The following PTPRZ1 variants were observed in gnomAD, a reference collection of about 807,000 sequenced individuals.
PTPRZ1 encodes receptor-type tyrosine-protein phosphatase zeta.
Under a neutral mutation model 214.1 loss-of-function variants are expected in PTPRZ1, and 82 were observed. The observed-to-expected ratio is 0.38, with a 90% CI of 0.32 to 0.46. The LOEUF (loss-of-function observed/expected upper bound fraction) is 0.46. PTPRZ1 is among the 20% of genes least tolerant of loss of function. The pLI is 1.00. For synonymous variants in PTPRZ1, 945 were observed against 987.9 expected (o/e 0.96, Z 0.81); for missense variants, 2,603 against 2,748.7 (o/e 0.95, Z 1.19).
chr7:121,902,667 A>G (rs1795001096), intron 1 of PTPRZ1, among the ~76,000 whole-genome samples: 1 of 152,058 alleles, frequency 6.6e-6, no homozygotes, highest in Non-Finnish European at 1.5e-5. Context: ...TCTTCTTTTG[A>G]GAAATATCTA....
chr7:121,883,660 CT>C (rs1414745505), intron 1 of PTPRZ1, among the ~76,000 whole-genome samples: 1 of 152,168 alleles, frequency 6.6e-6, no homozygotes. Flanking sequence ...GAGTTTCACT[CT>C]TGTTGCCCAG....
intron 18 of PTPRZ1, 48 bp from the exon 19 acceptor site, chr7:122,038,707 T>A (rs765884210): frequency 6.3e-7 from 1 of 1,581,456 alleles, no homozygotes; most frequent in South Asian, 1.1e-5. Context: ...CAGTTAAAGA[T>A]GACATATAAA....
In PTPRZ1 at chr7:122,051,885, C is replaced by T. The variant is rs1269494458; in HGVS notation, c.6198C>T (p.Gly2066=). ...TTCCAGTGGAAAGATCAAGGGTTGG[C>T]ATTTCATCCCTGAGTGGAGAAGGCA... ...SIIPVERSRV[G]ISSLSGEGTD... The change falls in exon 25 of 30, where the codon GGC becomes GGT. Residue 2066 remains glycine, a synonymous_variant. Transcript: ENST00000393386. The T allele has an allele frequency of 2.5e-6, 4 of 1,612,196 alleles. No individual in the cohort carries two copies. The highest frequency in any genetic ancestry group is 4.5e-5 in the East Asian group (2 of 44,828).
chr7:122,012,905 T>C lies in PTPRZ1; in HGVS notation c.3859T>C (p.Tyr1287His). 1.2e-6 allele frequency: 2 copies of C among 1,614,184 alleles called. No homozygotes were observed. The highest frequency in any genetic ancestry group is 1.7e-6 in the Non-Finnish European group (2 of 1,180,008). Reference protein sequence around the residue: ...ESSHQVVPSLYSNDELFQTAN... With the variant: ...ESSHQVVPSLHSNDELFQTAN... ...TTCCCACCAAGTGGTACCTTCTTTG[T>C]ACAGTAATGATGAGTTGTTCCAAAC... is the stretch of plus-strand genomic sequence containing the variant. Residue 1287 changes from tyrosine (Y) to histidine (H), a missense_variant, in exon 12 of 30, where the codon TAC becomes CAC. Tyr to His is a moderately conservative substitution (Grantham distance 83). Coordinates refer to ENST00000393386, the MANE Select transcript of PTPRZ1 (RefSeq NM_002851.3).
chr7:121,956,644 T>C (rs1422765537), intron 2 of PTPRZ1, among the ~76,000 whole-genome samples: 1 of 152,274 alleles, frequency 6.6e-6, no homozygotes, highest in African/African-American at 2.4e-5. Flanking sequence ...GCCTGATGCA[T>C]TGGTGACCAA....
Position 121,972,561 on chromosome 7 carries a change from G to A in PTPRZ1, c.325G>A (p.Asp109Asn). The A allele has an allele frequency of 6.2e-7, 1 of 1,608,786 alleles. No homozygotes were observed. Among genetic ancestry groups the A allele is most frequent in the African/African-American group, 1.3e-5 (1 of 74,816 alleles). ...GKTVEINLTNDYRVSGGVSEM... is the reference protein window; with the variant it reads ...GKTVEINLTNNYRVSGGVSEM... ...TTTAGTGGAAATTAATCTCACTAAT[G>A]ACTACCGTGTCAGCGGAGGAGTTTC... Residue 109 changes from aspartate to asparagine, a missense_variant, in exon 4 of 30, where the codon GAC (aspartate) becomes AAC (asparagine). Transcript: ENST00000393386.
chr7:121,885,843 A>G (rs893432302), intron 1 of PTPRZ1, among the ~76,000 whole-genome samples: 4 of 152,210 alleles, frequency 2.6e-5, no homozygotes, highest in African/African-American at 4.8e-5. Context: ...TATAATTTTT[A>G]CAAACATCAC....
At chr7:122,040,323 T>C (rs1490660525) in intron 20 of PTPRZ1, among the ~76,000 whole-genome samples, 1 of 152,250 alleles carries the variant, frequency 6.6e-6, no homozygotes, top group East Asian at 1.9e-4. Context: ...TTGACTCACA[T>C]GATCATGGGG....
At chr7:121,990,605 T>C (rs748789412) in intron 8 of PTPRZ1, among the ~76,000 whole-genome samples, 2 of 141,178 alleles carry the variant, frequency 1.4e-5, no homozygotes, top group Non-Finnish European at 3.1e-5. Flanking sequence ...CTGCAGCCTC[T>C]ACCTCCTGGG....
At chr7:122,044,393 A>G in intron 22 of PTPRZ1, 29 bp from the exon 23 acceptor site, 1 of 1,612,660 alleles carries the variant, frequency 6.2e-7, no homozygotes, top group Non-Finnish European at 8.5e-7. Context: ...AACTTGAACT[A>G]ATGTTGCTTA....
intron 1 of PTPRZ1, among the ~76,000 whole-genome samples, chr7:121,926,302 CAAA>C (rs34447356): frequency 7.7e-6 from 1 of 130,566 alleles, no homozygotes. Flanking sequence ...AAGATTCTGT[CAAA>C]AAAAAAAAAA....
At chr7:121,964,396 C>A (rs529751728) in intron 2 of PTPRZ1, among the ~76,000 whole-genome samples, 1 of 152,210 alleles carries the variant, frequency 6.6e-6, no homozygotes, top group Non-Finnish European at 1.5e-5. Flanking sequence ...CAGAGTCAAG[C>A]GAAGGGGGAA....
intron 8 of PTPRZ1, 135 bp from the exon 9 acceptor site, chr7:121,996,247 G>A: frequency 1.7e-6 from 1 of 596,186 alleles, no homozygotes; most frequent in South Asian, 3.2e-5. Flanking sequence ...ATAAGCAAAA[G>A]CTCCACAGTG....
At chr7:121,989,036 A>G (rs945250840) in intron 8 of PTPRZ1, among the ~76,000 whole-genome samples, 2 of 152,192 alleles carry the variant, frequency 1.3e-5, no homozygotes, top group Non-Finnish European at 2.9e-5. Flanking sequence ...AAAAATAGCA[A>G]ATAATTTACA....
intron 8 of PTPRZ1, among the ~76,000 whole-genome samples, chr7:121,984,667 A>G (rs1198353336): frequency 6.6e-6 from 1 of 152,032 alleles, no homozygotes; most frequent in African/African-American, 2.4e-5. Flanking sequence ...GCACTGAGTT[A>G]TTAATGAATA....
intron 1 of PTPRZ1, among the ~76,000 whole-genome samples, chr7:121,897,324 G>T: frequency 6.6e-6 from 1 of 152,056 alleles, no homozygotes; most frequent in East Asian, 1.9e-4. Context: ...GTTTGAAATA[G>T]GTTTGACATA....
rs540627275 is a variant in PTPRZ1, at chr7:121,963,546, T to G, written c.125-4405T>G. On this transcript the variant is annotated intron_variant, in intron 2 of 29. Transcript: ENST00000393386. ...TCTGGGTGGTCTTCTGGTGCACATGTGCAGTAACTGTACATGCTTGTTCAT... is the reference window on the plus strand; with the variant it reads ...TCTGGGTGGTCTTCTGGTGCACATGGGCAGTAACTGTACATGCTTGTTCAT... 4.3e-4 allele frequency among the ~76,000 whole-genome samples: 65 copies of G among 152,330 alleles called. 1 individual carries two copies. The highest frequency in any genetic ancestry group is 1.5e-3 in the African/African-American group (63 of 41,576).
At chr7:121,921,050 T>C (rs572729153) in intron 1 of PTPRZ1, among the ~76,000 whole-genome samples, 1 of 152,218 alleles carries the variant, frequency 6.6e-6, no homozygotes, top group East Asian at 1.9e-4. Flanking sequence ...TACAAGTGAT[T>C]TTTAAAGTAT....
At position 122,013,225 on chromosome 7, in the gene PTPRZ1, G is replaced by C; in HGVS notation, c.4179G>C (p.Leu1393=). The C allele has an allele frequency of 6.2e-7, 1 of 1,614,150 alleles. No homozygotes were observed. Among genetic ancestry groups the C allele is most frequent in the Admixed American group, 1.7e-5 (1 of 60,012 alleles). ...RDGSVTSTKL[L]FPSKATSELS... is the part of the protein sequence containing the mutation. The stretch of plus-strand genomic sequence containing the variant: ...GTTCTGTAACCTCAACAAAGTTGCT[G>C]TTTCCTTCTAAGGCAACTTCTGAGC... The change falls in exon 12 of 30, where the codon CTG becomes CTC. Residue 1393 remains leucine (L), a synonymous_variant. Transcript: ENST00000393386.
Sources: allele counts gnomAD v4.1 joint callset (sites outside exome capture counted in the v4.1 genomes callset), GRCh38; gene constraint gnomAD v4.1.1; transcripts MANE v1.5; gene names NCBI Gene and HGNC (gene_info 2026-07-23, HGNC 2026-07-21).